Variants in LOXL2 observed in about 807,000 individuals in gnomAD.
LOXL2 encodes lysyl oxidase homolog 2.
A neutral mutation model predicts 93.0 loss-of-function variants in LOXL2; 70 were observed. The observed-to-expected ratio is 0.75, with a 90% CI of 0.62 to 0.92. The LOEUF (loss-of-function observed/expected upper bound fraction) is 0.92, where lower values mean the gene tolerates loss of function less well. Among genes scored for constraint, LOXL2 ranks in the 40% least tolerant of loss-of-function variants. The pLI, the probability that LOXL2 is intolerant of heterozygous loss-of-function variation, is 0.00. For synonymous variants in LOXL2, 438 were observed against 413.2 expected, an observed-to-expected ratio of 1.06 and a Z score of -0.73; for missense variants, 973 against 1,054.9, an observed-to-expected ratio of 0.92 and a Z score of 1.08.
intron 1 of LOXL2, among the ~76,000 whole-genome samples, chr8:23,374,879 C>T (rs1486716790): frequency 3.3e-5 from 5 of 152,152 alleles, no homozygotes; most frequent in Non-Finnish European, 5.9e-5. Flanking sequence ...CAAAAATTTT[C>T]TCCCATTTTG....
chr8:23,331,198 G>A (rs1803670282), intron 5 of LOXL2, among the ~76,000 whole-genome samples: 1 of 152,150 alleles, frequency 6.6e-6, no homozygotes, highest in Non-Finnish European at 1.5e-5. Context: ...GGAGGGGAGA[G>A]GGGAAAGAGG....
intron 1 of LOXL2, among the ~76,000 whole-genome samples, chr8:23,377,040 A>T (rs1199282542): frequency 6.6e-6 from 1 of 151,996 alleles, no homozygotes; most frequent in Non-Finnish European, 1.5e-5. Context: ...TTAGGGTGTC[A>T]ATTTTAGATC....
intron 3 of LOXL2, among the ~76,000 whole-genome samples, chr8:23,359,137 C>A (rs1043053565): frequency 6.6e-6 from 1 of 151,876 alleles, no homozygotes; most frequent in Non-Finnish European, 1.5e-5. Flanking sequence ...CAGGCATAAG[C>A]CCCCGCGCCC....
rs544594118 is a variant in LOXL2 at position 23,401,708 on chromosome 8, G to A, written c.-84+2246C>T. Among the ~76,000 whole-genome samples the A allele has an allele frequency of 4.3e-4, 65 of 152,310 alleles. 1 individual carries two copies. The highest frequency in any genetic ancestry group is 3.4e-3 in the Middle Eastern group (1 of 294). On this transcript the variant is annotated intron_variant, in intron 1 of 13. Coordinates refer to ENST00000389131, the MANE Select transcript of LOXL2 (RefSeq NM_002318.3). ...TCGCTGATGGTCATGTCTATCTAGA[G>A]CACAGAAAATCTGTTTCCTTCACAA...
intron 9 of LOXL2, among the ~76,000 whole-genome samples, chr8:23,310,442 C>G (rs1367336363): frequency 6.6e-6 from 1 of 152,172 alleles, no homozygotes; most frequent in African/African-American, 2.4e-5. Context: ...AATACAGTTC[C>G]CCTTAAAATA....
intron 9 of LOXL2, among the ~76,000 whole-genome samples, chr8:23,313,689 A>C (rs1437575204): frequency 6.6e-6 from 1 of 150,562 alleles, no homozygotes; most frequent in Non-Finnish European, 1.5e-5. Flanking sequence ...AAAACCATAA[A>C]AACCCTAGAA....
chr8:23,341,858 A>G (rs561868557), intron 3 of LOXL2, among the ~76,000 whole-genome samples: 46 of 152,274 alleles, frequency 3.0e-4, no homozygotes, highest in African/African-American at 1.0e-3. Flanking sequence ...AGAGACTCAC[A>G]CCTGCCTGGC....
intron 3 of LOXL2, among the ~76,000 whole-genome samples, chr8:23,346,061 C>G (rs1208855870): frequency 7.3e-6 from 1 of 137,766 alleles, no homozygotes; most frequent in Non-Finnish European, 1.5e-5. Flanking sequence ...GAGCGAGACT[C>G]CGTCTCAAAA....
intron 3 of LOXL2, among the ~76,000 whole-genome samples, chr8:23,357,398 C>A (rs191105591): frequency 6.6e-6 from 1 of 152,262 alleles, no homozygotes; most frequent in Admixed American, 6.5e-5. Context: ...GTTTATTCCA[C>A]CCCATGAAAA....
chr8:23,375,356 G>C (rs1210233078), intron 1 of LOXL2, among the ~76,000 whole-genome samples: 2 of 152,088 alleles, frequency 1.3e-5, no homozygotes, highest in Admixed American at 1.3e-4. Flanking sequence ...TAGCCTTGTA[G>C]TATAGTTTGA....
intron 1 of LOXL2, among the ~76,000 whole-genome samples, chr8:23,376,238 C>T (rs1394208393): frequency 2.0e-5 from 3 of 152,108 alleles, no homozygotes; most frequent in Non-Finnish European, 4.4e-5. Flanking sequence ...TGCTGGATTA[C>T]GTTTACTGAT....
chr8:23,369,375 C>A (rs144674241), intron 1 of LOXL2, among the ~76,000 whole-genome samples: 1 of 152,134 alleles, frequency 6.6e-6, no homozygotes, highest in African/African-American at 2.4e-5. Context: ...AAGGAGCACA[C>A]GTGTGTCTTG....
intron 3 of LOXL2, among the ~76,000 whole-genome samples, chr8:23,350,687 G>C (rs959423288): frequency 2.6e-5 from 4 of 152,222 alleles, no homozygotes; most frequent in Non-Finnish European, 5.9e-5. Context: ...ATAGAGGCCA[G>C]TGGAGGCCTG....
rs562180734 is a variant in LOXL2 at position 23,305,163 on chromosome 8, C to T, written c.1881-1766G>A. Among the ~76,000 whole-genome samples, 8 of 152,266 alleles carry T rather than the reference C, an allele frequency of 5.3e-5. No individual in the cohort carries two copies. In the East Asian group the frequency reaches 9.7e-4, roughly 18 times the overall value. ...CTCACTGCCTAAAAAATGTCTGCATCGCTCAGAGAGGGGCTTATGTGACCA... is the reference window on the plus strand; with the variant it reads ...CTCACTGCCTAAAAAATGTCTGCATTGCTCAGAGAGGGGCTTATGTGACCA... On this transcript the variant is annotated intron_variant, in intron 10 of 13. Transcript: ENST00000389131.
intron 3 of LOXL2, among the ~76,000 whole-genome samples, chr8:23,342,642 A>G (rs977314291): frequency 6.6e-6 from 1 of 152,164 alleles, no homozygotes; most frequent in African/African-American, 2.4e-5. Context: ...CATGTTAGCC[A>G]GGATGGTCTC....
chr8:23,324,134 T>A (rs1329966277), intron 6 of LOXL2, among the ~76,000 whole-genome samples: 1 of 152,222 alleles, frequency 6.6e-6, no homozygotes, highest in Non-Finnish European at 1.5e-5. Flanking sequence ...TTGCTAAGAC[T>A]ACAGCTCAAG....
intron 1 of LOXL2, among the ~76,000 whole-genome samples, chr8:23,383,657 GTTTTTTTTTT>G (rs968347697): frequency 5.4e-4 from 12 of 22,282 alleles, no homozygotes; most frequent in Non-Finnish European, 7.6e-4. Flanking sequence ...TTTTTTTTTT[GTTTTTTTTTT>G]TTTTTTTTTT....
At chr8:23,360,758 G>A (rs1804276131) in intron 2 of LOXL2, among the ~76,000 whole-genome samples, 1 of 152,180 alleles carries the variant, frequency 6.6e-6, no homozygotes, top group Non-Finnish European at 1.5e-5. Context: ...TGATAATGAT[G>A]ACGATGATGA....
chr8:23,317,143 G>A (rs764748451), intron 8 of LOXL2, 29 bp from the exon 9 acceptor site: 5 of 1,607,978 alleles, frequency 3.1e-6, no homozygotes, highest in Non-Finnish European at 4.3e-6. Context: ...CAAATGGTGG[G>A]TACATCATCT....
Sources: gnomAD v4.1 joint callset for allele counts (sites outside exome capture counted in the v4.1 genomes callset) on GRCh38, gnomAD v4.1.1 for gene constraint, MANE v1.5 for transcripts, NCBI Gene and HGNC (gene_info 2026-07-23, HGNC 2026-07-21) for gene names.